Variants in MEF2A observed in about 807,000 individuals in gnomAD.
MEF2A encodes the protein myocyte enhancer factor 2A.
MEF2A carries 28 observed loss-of-function variants against 55.8 expected under a neutral mutation model. That is an observed-to-expected ratio of 0.50 (90% CI 0.37 to 0.69). The LOEUF is 0.69. Among genes scored for constraint, MEF2A ranks in the 30% least tolerant of loss-of-function variants. The pLI is 0.00. For synonymous variants in MEF2A, 239 were observed against 227.1 expected, an observed-to-expected ratio of 1.05 and a Z score of -0.47; for missense variants, 528 against 626.2, an observed-to-expected ratio of 0.84 and a Z score of 1.67.
At chr15:99,671,763 G>A in intron 5 of MEF2A, 11 of 1,164,682 alleles carry the variant, frequency 9.4e-6, no homozygotes, top group East Asian at 2.7e-5. Context: ...TAAGTAGAAG[G>A]GAAGAAATGC....
chr15:99,634,826 G>T (rs1324717769), intron 3 of MEF2A, among the ~76,000 whole-genome samples: 2 of 152,212 alleles, frequency 1.3e-5, no homozygotes, highest in Non-Finnish European at 2.9e-5. Flanking sequence ...ATGGGGCAAG[G>T]ACTATCTGAA....
At chr15:99,694,456 A>T (rs2056086566) in intron 8 of MEF2A, among the ~76,000 whole-genome samples, 1 of 152,228 alleles carries the variant, frequency 6.6e-6, no homozygotes. Flanking sequence ...AAAATCTGAA[A>T]TCCAAAATGA....
chr15:99,569,134 C>G (rs1003727922), intron 1 of MEF2A, among the ~76,000 whole-genome samples: 7 of 152,202 alleles, frequency 4.6e-5, no homozygotes, highest in African/African-American at 1.7e-4. Flanking sequence ...GTAGTCAGAT[C>G]TTGATTCAGA....
chr15:99,692,482 A>G (rs2055678811), intron 8 of MEF2A, among the ~76,000 whole-genome samples: 1 of 152,236 alleles, frequency 6.6e-6, no homozygotes, highest in African/African-American at 2.4e-5. Context: ...CCAGAGTCAA[A>G]GACACTGTAA....
intron 7 of MEF2A, among the ~76,000 whole-genome samples, chr15:99,684,713 T>C (rs2053886198): frequency 6.6e-6 from 1 of 152,230 alleles, no homozygotes; most frequent in Admixed American, 6.5e-5. Flanking sequence ...AGGTCCCATC[T>C]ATTTATTTTT....
At chr15:99,667,151 A>T (rs759247304) in intron 4 of MEF2A, among the ~76,000 whole-genome samples, 9 of 152,318 alleles carry the variant, frequency 5.9e-5, no homozygotes, top group Non-Finnish European at 1.2e-4. Flanking sequence ...TTAGATCTGA[A>T]ATCAGTGAGT....
chr15:99,640,359 G>T (rs1437742659), intron 3 of MEF2A, among the ~76,000 whole-genome samples: 2 of 152,054 alleles, frequency 1.3e-5, no homozygotes, highest in Non-Finnish European at 2.9e-5. Flanking sequence ...ATATTTAGAG[G>T]TGATGTACCT....
At chr15:99,627,603 C>A (rs1260552919) in intron 2 of MEF2A, among the ~76,000 whole-genome samples, 1 of 152,036 alleles carries the variant, frequency 6.6e-6, no homozygotes, top group Non-Finnish European at 1.5e-5. Flanking sequence ...TGAAAAGTCA[C>A]AAATTATATT....
chr15:99,698,371 T>C (rs2056830275), intron 8 of MEF2A, among the ~76,000 whole-genome samples: 1 of 152,168 alleles, frequency 6.6e-6, no homozygotes, highest in African/African-American at 2.4e-5. Context: ...GAACACATAC[T>C]TCAAAAAGAA....
At chr15:99,703,257 C>T (rs2057631800) in intron 8 of MEF2A, 105 bp from the exon 9 acceptor site, 5 of 1,053,370 alleles carry the variant, frequency 4.7e-6, no homozygotes, top group South Asian at 2.6e-5. Flanking sequence ...TTTAGAGTTC[C>T]AGACAGCTGC....
At chr15:99,570,144 A>G (rs1344173851) in intron 1 of MEF2A, among the ~76,000 whole-genome samples, 3 of 152,130 alleles carry the variant, frequency 2.0e-5, no homozygotes, top group Admixed American at 2.0e-4. Context: ...CTCCTTTGTG[A>G]GGTGGAATAC....
intron 7 of MEF2A, among the ~76,000 whole-genome samples, chr15:99,680,064 A>G (rs1184305197): frequency 1.3e-5 from 2 of 152,216 alleles, no homozygotes; most frequent in African/African-American, 2.4e-5. Context: ...CAAAATGCCA[A>G]GGTTGATGAA....
At chr15:99,628,046 A>T (rs1026171685) in intron 2 of MEF2A, among the ~76,000 whole-genome samples, 1 of 152,194 alleles carries the variant, frequency 6.6e-6, no homozygotes, top group Non-Finnish European at 1.5e-5. Flanking sequence ...ATGGGAAATA[A>T]ATTTCTGGTT....
rs371126560 is a variant in MEF2A at position 99,674,629 on chromosome 15, A to G, written c.610+17A>G. 2.6e-5 allele frequency: 41 copies of G among 1,559,268 alleles called. No individual in the cohort carries two copies. The highest frequency in any genetic ancestry group is 3.4e-5 in the South Asian group (3 of 88,162). On this transcript the variant is annotated intron_variant, in intron 6 of 11. Coordinates refer to ENST00000557942, the MANE Select transcript of MEF2A (RefSeq NM_001319206.4). ...GCAATGCAGGTATGTAGTGATACCT[A>G]TTATGCTGGTTCTTTAATAAAGAGG...
At chr15:99,665,647 A>G (rs1367928414) in intron 4 of MEF2A, among the ~76,000 whole-genome samples, 1 of 150,854 alleles carries the variant, frequency 6.6e-6, no homozygotes, top group East Asian at 2.0e-4. Context: ...ATGAACAGGC[A>G]GCCTACAGAA....
intron 3 of MEF2A, among the ~76,000 whole-genome samples, chr15:99,637,024 CT>C (rs1023688760): frequency 3.3e-5 from 5 of 151,944 alleles, no homozygotes; most frequent in African/African-American, 1.2e-4. Context: ...TCTAAATTCT[CT>C]GTTTTGTTCC....
intron 1 of MEF2A, among the ~76,000 whole-genome samples, chr15:99,586,429 A>G (rs1471012702): frequency 1.3e-5 from 2 of 152,136 alleles, no homozygotes; most frequent in Admixed American, 6.5e-5. Context: ...TTTGATGACT[A>G]ATGATTCTAA....
At chr15:99,589,511 A>G (rs1009813262) in intron 1 of MEF2A, among the ~76,000 whole-genome samples, 1 of 151,520 alleles carries the variant, frequency 6.6e-6, no homozygotes, top group African/African-American at 2.4e-5. Flanking sequence ...ACCATTTTCT[A>G]CTTTTGTTAT....
In MEF2A at chr15:99,716,161, G is replaced by A. The variant is rs766350102; in HGVS notation, c.*3390G>A. ...TCACTTTGCTGTGCAAGAAGACACT[G>A]CTTTGCTATATTTAAAATGGCTTTT... On this transcript the variant is annotated 3_prime_UTR_variant, in exon 12 of 12. Transcript: ENST00000557942. The A allele has an allele frequency of 5.6e-6, 1 of 177,310 alleles. No individual in the cohort carries two copies. Among genetic ancestry groups the A allele is most frequent in the Non-Finnish European group, 1.2e-5 (1 of 81,994 alleles). The allele number at this position is 177,310 out of a possible 1,614,324, so 11.0% of individuals were successfully genotyped here. A position where few individuals can be genotyped will look rare whatever the true frequency, so the allele number is the denominator to read the frequency against.
Sources: gnomAD v4.1 joint callset for allele counts (sites outside exome capture counted in the v4.1 genomes callset) on GRCh38, gnomAD v4.1.1 for gene constraint, MANE v1.5 for transcripts, NCBI Gene and HGNC (gene_info 2026-07-23, HGNC 2026-07-21) for gene names.